Variants in ABI2 observed in about 807,000 individuals in gnomAD.
The protein encoded by ABI2 is abelson interactor 2.
Under a neutral mutation model 59.2 loss-of-function variants are expected in ABI2, and 25 were observed. The ratio of observed to expected loss-of-function variants is 0.42; its 90% CI spans 0.31 to 0.59. The LOEUF is 0.59. Among genes scored for constraint, ABI2 ranks in the 20% least tolerant of loss-of-function variants. The pLI is 0.14. For synonymous variants in ABI2, 213 were observed against 235.5 expected, an observed-to-expected ratio of 0.90 and a Z score of 0.87; for missense variants, 545 against 681.8, an observed-to-expected ratio of 0.80 and a Z score of 2.23.
intron 1 of ABI2, among the ~76,000 whole-genome samples, chr2:203,354,699 T>G (rs1268928017): frequency 1.4e-5 from 2 of 144,652 alleles, no homozygotes; most frequent in Non-Finnish European, 3.1e-5. Context: ...AGTTCACATA[T>G]TGTGATAAGA....
rs552844505 is a variant in ABI2, at chr2:203,395,890, A to T, written c.850+110A>T. 1.0e-4 allele frequency: 131 copies of T among 1,255,128 alleles called. 1 individual carries two copies. The South Asian group carries it at 2.0e-3, about 20-fold the overall frequency. The allele number at this position is 1,255,128 out of a possible 1,614,324, so 77.7% of individuals were successfully genotyped here. A position where few individuals can be genotyped will look rare whatever the true frequency, so the allele number is the denominator to read the frequency against. On this transcript the variant is annotated intron_variant, in intron 7 of 11. Coordinates refer to ENST00000261018, the MANE Select transcript of ABI2 (RefSeq NM_001375670.1). ...TAATCAGGATTTTTTTTCTTTAGGA[A>T]TCATAAATATTGGGAAGTCTATATA... is the stretch of plus-strand genomic sequence containing the variant.
intron 1 of ABI2, among the ~76,000 whole-genome samples, chr2:203,340,304 G>T (rs2079088029): frequency 1.3e-5 from 2 of 152,074 alleles, no homozygotes; most frequent in South Asian, 4.2e-4. Context: ...GTGTTTTGGG[G>T]GTCTAATGTA....
intron 8 of ABI2, among the ~76,000 whole-genome samples, chr2:203,399,926 A>G (rs1475939307): frequency 6.6e-6 from 1 of 152,112 alleles, no homozygotes; most frequent in African/African-American, 2.4e-5. Context: ...GGCATATCTA[A>G]GAACTCTTTA....
intron 1 of ABI2, among the ~76,000 whole-genome samples, chr2:203,348,412 G>A (rs1008950329): frequency 6.6e-6 from 1 of 152,138 alleles, no homozygotes; most frequent in Non-Finnish European, 1.5e-5. Flanking sequence ...AGCTTAAGAT[G>A]CAATGGTGGA....
At chr2:203,420,760 TA>T (rs1449836379) in intron 11 of ABI2, among the ~76,000 whole-genome samples, 14 of 152,280 alleles carry the variant, frequency 9.2e-5, no homozygotes, top group African/African-American at 2.9e-4. Flanking sequence ...TAATGATTGT[TA>T]AAAAATGAAT....
intron 1 of ABI2, among the ~76,000 whole-genome samples, chr2:203,356,849 T>C (rs62183946): frequency 7.4e-4 from 9 of 12,104 alleles, no homozygotes; most frequent in Admixed American, 1.2e-3. Flanking sequence ...TTTTACACAA[T>C]TTTTTTTTTT....
chr2:203,410,983 A>G (rs1043660636), intron 9 of ABI2, among the ~76,000 whole-genome samples: 2 of 149,590 alleles, frequency 1.3e-5, no homozygotes, highest in African/African-American at 5.0e-5. Flanking sequence ...CATGATTGTT[A>G]TATATAAAAA....
In ABI2 at chr2:203,413,643, C is replaced by T. The variant is rs757841213; in HGVS notation, c.1279+2272C>T. On this transcript the variant is annotated intron_variant, in intron 10 of 11. Coordinates refer to ENST00000261018, the MANE Select transcript of ABI2 (RefSeq NM_001375670.1). ...GGTGTGCTGTGACTAATTTTACAGACGTGGCAGGACTTAAACATTAGTCAA... is the reference window on the plus strand; with the variant it reads ...GGTGTGCTGTGACTAATTTTACAGATGTGGCAGGACTTAAACATTAGTCAA... 4.6e-5 allele frequency among the ~76,000 whole-genome samples: 7 copies of T among 152,004 alleles called. No individual in the cohort carries two copies. In the East Asian group the frequency reaches 1.3e-3, roughly 29 times the overall value.
Position 203,394,712 on chromosome 2 carries a change from C to G in ABI2, c.591C>G (p.Pro197=). The G allele has an allele frequency of 1.2e-6, 2 of 1,614,006 alleles. No individual in the cohort carries two copies. Among genetic ancestry groups the G allele is most frequent in the Non-Finnish European group, 8.5e-7 (1 of 1,179,990 alleles). The part of the protein sequence containing the change: ...SGKGTLGRHS[P]YRTLEPVRPP... ...CTTCTTTTTGTAGGCGGCACTCCCC[C>G]TATCGCACACTGGAGCCAGTGCGTC... Residue 197 remains proline, a synonymous_variant, in exon 6 of 12, where the codon CCC becomes CCG. Coordinates refer to ENST00000261018, the MANE Select transcript of ABI2 (RefSeq NM_001375670.1).
intron 9 of ABI2, chr2:203,403,465 C>T (rs546498543): frequency 1.3e-5 from 2 of 154,504 alleles, no homozygotes; most frequent in African/African-American, 4.8e-5. Flanking sequence ...TTTTGATAAG[C>T]CTTGAATTTT....
At chr2:203,405,990 T>C (rs1190423891) in intron 9 of ABI2, among the ~76,000 whole-genome samples, 3 of 152,184 alleles carry the variant, frequency 2.0e-5, no homozygotes, top group Admixed American at 2.0e-4. Context: ...AAACAAGTTA[T>C]TGAAAGGAAA....
At chr2:203,423,207 T>C (rs2098289015) in intron 11 of ABI2, among the ~76,000 whole-genome samples, 1 of 152,204 alleles carries the variant, frequency 6.6e-6, no homozygotes, top group Non-Finnish European at 1.5e-5. Context: ...TTTCCCCCAA[T>C]ATGTATTTAA....
chr2:203,341,720 A>G (rs935142793), intron 1 of ABI2, among the ~76,000 whole-genome samples: 9 of 152,186 alleles, frequency 5.9e-5, no homozygotes, highest in African/African-American at 1.7e-4. Flanking sequence ...AAAAAAAAAC[A>G]AAAGAAATTA....
intron 5 of ABI2, chr2:203,394,463 A>G: frequency 2.1e-6 from 1 of 478,998 alleles, no homozygotes; most frequent in East Asian, 3.6e-5. Flanking sequence ...AGAATAAATG[A>G]ACAAAATTGC....
At chr2:203,334,465 T>A (rs190414252) in intron 1 of ABI2, among the ~76,000 whole-genome samples, 1 of 152,310 alleles carries the variant, frequency 6.6e-6, no homozygotes, top group African/African-American at 2.4e-5. Context: ...TCAGGGTGTG[T>A]AAGGTAATCT....
intron 8 of ABI2, among the ~76,000 whole-genome samples, chr2:203,397,769 C>T (rs564509134): frequency 6.6e-6 from 1 of 152,270 alleles, no homozygotes; most frequent in African/African-American, 2.4e-5. Context: ...CCTCAGGAAA[C>T]TTACACTCAT....
chr2:203,411,072 C>T (rs1191318666), intron 9 of ABI2, among the ~76,000 whole-genome samples: 1 of 151,768 alleles, frequency 6.6e-6, no homozygotes, highest in Non-Finnish European at 1.5e-5. Context: ...ATAAATGCCT[C>T]CTGTTGTGAT....
In ABI2 at chr2:203,380,280, A is replaced by G. The variant is rs2096027602; in HGVS notation, c.358A>G (p.Arg120Gly). The change falls in exon 3 of 12, where the codon AGG becomes GGG. Residue 120 changes from arginine (R) to glycine (G), a missense_variant. This residue lies in a region of ABI2 where 410 missense variants were observed against 435.6 expected (regional missense o/e 0.94). Coordinates refer to ENST00000261018, the MANE Select transcript of ABI2 (RefSeq NM_001375670.1). ...TTTGACTACCAATAAAAACACTTCAAGGACACATAAGATTATTGCTCCAGC... is the reference window on the plus strand; with the variant it reads ...TTTGACTACCAATAAAAACACTTCAGGGACACATAAGATTATTGCTCCAGC... Reference protein sequence around the residue: ...GILTTNKNTSRTHKIIAPANL... With the variant: ...GILTTNKNTSGTHKIIAPANL... 3 of 1,608,750 alleles carry G rather than the reference A, an allele frequency of 1.9e-6. No individual in the cohort carries two copies. Among genetic ancestry groups the G allele is most frequent in the Non-Finnish European group, 2.5e-6 (3 of 1,177,840 alleles).
intron 10 of ABI2, among the ~76,000 whole-genome samples, chr2:203,414,101 CTTTTT>C (rs539839995): frequency 7.9e-6 from 1 of 126,714 alleles, no homozygotes; most frequent in Admixed American, 8.0e-5. Flanking sequence ...CTTGCATTGT[CTTTTT>C]TTTTTTTTTT....
Sources: gnomAD v4.1 joint callset for allele counts (sites outside exome capture counted in the v4.1 genomes callset) on GRCh38, gnomAD v4.1.1 for gene constraint, gnomAD v4.1.1 regional missense constraint, MANE v1.5 for transcripts, NCBI Gene and HGNC (gene_info 2026-07-23, HGNC 2026-07-21) for gene names.